The following FTO variants were observed in gnomAD, a reference collection of about 807,000 sequenced individuals.
FTO encodes the protein alpha-ketoglutarate-dependent dioxygenase FTO.
Under a neutral mutation model 63.9 loss-of-function variants are expected in FTO, and 47 were observed. The ratio of observed to expected loss-of-function variants is 0.74; its 90% CI spans 0.58 to 0.94. FTO has a LOEUF of 0.94. Ranked by LOEUF, FTO falls within the 40% of genes least tolerant of loss-of-function variation. The pLI is 0.00. For synonymous variants in FTO, 207 were observed against 224.4 expected, an observed-to-expected ratio of 0.92 and a Z score of 0.69; for missense variants, 562 against 618.1, an observed-to-expected ratio of 0.91 and a Z score of 0.96.
At chr16:53,730,590 G>C (rs1282891974) in intron 1 of FTO, among the ~76,000 whole-genome samples, 1 of 152,002 alleles carries the variant, frequency 6.6e-6, no homozygotes, top group African/African-American at 2.4e-5. Context: ...AACTTCCCAG[G>C]CTCAGGTGAT....
intron 1 of FTO, among the ~76,000 whole-genome samples, chr16:53,756,159 A>G (rs2076918847): frequency 6.6e-6 from 1 of 152,212 alleles, no homozygotes; most frequent in African/African-American, 2.4e-5. Flanking sequence ...AAAACTAAAG[A>G]CATGAGAGAG....
chr16:54,004,297 G>C (rs902919055), intron 8 of FTO, among the ~76,000 whole-genome samples: 2 of 152,036 alleles, frequency 1.3e-5, no homozygotes, highest in South Asian at 2.1e-4. Flanking sequence ...GAGGCGGAGG[G>C]GGGAGGATCA....
rs566863461 is a variant in FTO at position 53,911,669 on chromosome 16, T to C, written c.1240-22316T>C. ...TGTGGTATCCCAGCTAGCTTTACTC[T>C]GTTCTCCAGAAATCAGCCTGTAAAC... On this transcript the variant is annotated intron_variant, in intron 7 of 8. Transcript: ENST00000471389. Among the ~76,000 whole-genome samples, 3 of 152,372 alleles carry C rather than the reference T, an allele frequency of 2.0e-5. No homozygotes were observed. In the South Asian group the frequency reaches 6.2e-4, roughly 32 times the overall value.
At chr16:53,810,300 A>G in intron 2 of FTO, 83 bp downstream of exon 2, 1 of 954,128 alleles carries the variant, frequency 1.0e-6, no homozygotes, top group Non-Finnish European at 1.7e-6. Flanking sequence ...TGGGCTAGAG[A>G]GGTTAAATGA....
At chr16:54,009,010 C>A (rs1375223916) in intron 8 of FTO, among the ~76,000 whole-genome samples, 1 of 16,854 alleles carries the variant, frequency 5.9e-5, no homozygotes, top group Non-Finnish European at 9.8e-5. Flanking sequence ...AGACCCTGTC[C>A]CCCCCCCAAA....
chr16:54,073,247 G>A (rs77120581), intron 8 of FTO, among the ~76,000 whole-genome samples: 1,884 of 152,218 alleles, frequency 0.012, 23 homozygotes, highest in Non-Finnish European at 0.019. Flanking sequence ...TTCCCAAATG[G>A]AATCCAACAG....
At position 54,002,415 on chromosome 16, in the gene FTO, C is replaced by T. The variant is rs1278144473; in HGVS notation, c.1364+68306C>T. Among the ~76,000 whole-genome samples the T allele has an allele frequency of 7.2e-5, 11 of 152,342 alleles. No homozygotes were observed. The East Asian group carries it at 2.1e-3, about 29-fold the overall frequency. On this transcript the variant is annotated intron_variant, in intron 8 of 8. Coordinates refer to ENST00000471389, the MANE Select transcript of FTO (RefSeq NM_001080432.3). ...AGAGCCTCCTCCTAGGCACCTGATA[C>T]TTTCATGCTTGGCTTATTGTACGAG...
intron 8 of FTO, among the ~76,000 whole-genome samples, chr16:53,975,849 A>G (rs1405178562): frequency 6.6e-6 from 1 of 152,204 alleles, no homozygotes; most frequent in Non-Finnish European, 1.5e-5. Flanking sequence ...CATGTGCTGG[A>G]TGTATATGAA....
intron 1 of FTO, among the ~76,000 whole-genome samples, chr16:53,727,000 A>C (rs77276051): frequency 0.027 from 4,078 of 152,340 alleles, 86 homozygotes; most frequent in Admixed American, 0.041. Context: ...AATGTGCATA[A>C]AAAAATCAGA....
intron 8 of FTO, among the ~76,000 whole-genome samples, chr16:53,965,524 A>G (rs1032024795): frequency 7.2e-5 from 11 of 152,244 alleles, no homozygotes; most frequent in Non-Finnish European, 1.0e-4. Context: ...ACCCAAGGGC[A>G]ACTGTACTGG....
intron 3 of FTO, among the ~76,000 whole-genome samples, chr16:53,827,939 T>C (rs2079052794): frequency 6.6e-6 from 1 of 152,210 alleles, no homozygotes; most frequent in Admixed American, 6.5e-5. Context: ...AGTACAAAGC[T>C]CTACAAAGAT....
Position 53,826,213 on chromosome 16 carries a change from C to G in FTO, c.473C>G (p.Ala158Gly). The G allele has an allele frequency of 6.2e-7, 1 of 1,614,192 alleles. No individual in the cohort carries two copies. Among genetic ancestry groups the G allele is most frequent in the East Asian group, 2.2e-5 (1 of 44,874 alleles). The stretch of plus-strand genomic sequence containing the variant: ...ACCATCCAGGCTTTGGAAGAACTTG[C>G]TGCCAAAGAGAAGGCTAATGAGGAT... The part of the protein sequence containing the change: ...IETIQALEEL[A>G]AKEKANEDAV... Residue 158 changes from alanine to glycine, a missense_variant, in exon 3 of 9, where the codon GCT (alanine) becomes GGT (glycine). Ala to Gly is a moderately conservative substitution (Grantham distance 60). Coordinates refer to ENST00000471389, the MANE Select transcript of FTO (RefSeq NM_001080432.3).
intron 7 of FTO, among the ~76,000 whole-genome samples, chr16:53,931,725 T>G (rs2082289083): frequency 6.6e-6 from 1 of 152,150 alleles, no homozygotes; most frequent in Admixed American, 6.5e-5. Context: ...CTCTCTGAAA[T>G]TAGACATCTT....
chr16:53,809,277 A>G (rs1367571170), intron 1 of FTO, among the ~76,000 whole-genome samples: 1 of 152,228 alleles, frequency 6.6e-6, no homozygotes, highest in African/African-American at 2.4e-5. Context: ...CAGATTTATT[A>G]ATTATTGTAG....
chr16:53,912,245 G>A (rs921801994), intron 7 of FTO, among the ~76,000 whole-genome samples: 5 of 152,138 alleles, frequency 3.3e-5, no homozygotes, highest in African/African-American at 1.2e-4. Context: ...CAACCTCCAG[G>A]AGTAATCTCT....
chr16:53,804,512 G>T (rs187283977), intron 1 of FTO, among the ~76,000 whole-genome samples: 17 of 152,092 alleles, frequency 1.1e-4, no homozygotes, highest in Admixed American at 1.1e-3. Flanking sequence ...GAAGTTTTTC[G>T]TAGGACAAGG....
chr16:53,952,697 A>G (rs1343795722), intron 8 of FTO, among the ~76,000 whole-genome samples: 1 of 152,206 alleles, frequency 6.6e-6, no homozygotes, highest in Non-Finnish European at 1.5e-5. Flanking sequence ...CTTGACTGTC[A>G]ACAAATGTGC....
chr16:53,806,969 G>A lies in FTO; in HGVS notation c.46-3171G>A, dbSNP rs920390798. 3.9e-5 allele frequency among the ~76,000 whole-genome samples: 6 copies of A among 152,216 alleles called. No individual in the cohort carries two copies. The South Asian group carries it at 8.3e-4, about 21-fold the overall frequency. On this transcript the variant is annotated intron_variant, in intron 1 of 8. Transcript: ENST00000471389. ...TCTTAGTCTTGCCCATAGTGACCTC[G>A]CTTTTCATAAAGCAATCTTAATATT...
chr16:53,817,713 T>C (rs1228627410), intron 2 of FTO, among the ~76,000 whole-genome samples: 1 of 152,172 alleles, frequency 6.6e-6, no homozygotes, highest in Non-Finnish European at 1.5e-5. Flanking sequence ...CATCTCTTGA[T>C]ATGGGAGGAA....
Sources: allele counts gnomAD v4.1 joint callset (sites outside exome capture counted in the v4.1 genomes callset), GRCh38; gene constraint gnomAD v4.1.1; transcripts MANE v1.5; gene names NCBI Gene and HGNC (gene_info 2026-07-23, HGNC 2026-07-21).